ARVCF: variants seen among roughly 807,000 people sequenced by gnomAD.
ARVCF encodes ARVCF delta catenin family member.
Under a neutral mutation model 90.9 loss-of-function variants are expected in ARVCF, and 66 were observed. The observed-to-expected ratio is 0.73, with a 90% confidence interval of 0.60 to 0.89. The LOEUF is 0.89. Among genes scored for constraint, ARVCF ranks in the 40% least tolerant of loss-of-function variants. The pLI is 0.00. For missense variants in ARVCF, 1,469 were observed against 1,382.3 expected (o/e 1.06, Z -1.00); for synonymous variants, 653 against 603.4 (o/e 1.08, Z -1.21).
chr22:20,013,725 C>T (rs1346288172), intron 1 of ARVCF, among the ~76,000 whole-genome samples: 1 of 152,216 alleles, frequency 6.6e-6, no homozygotes, highest in Non-Finnish European at 1.5e-5. Context: ...CAGGCACCCA[C>T]CAGCTCTGGG....
chr22:19,976,744 G>C (rs929188235), intron 9 of ARVCF, 21 bp from the exon 10 acceptor site: 5 of 1,557,994 alleles, frequency 3.2e-6, no homozygotes, highest in Admixed American at 3.9e-5. Flanking sequence ...GGAGGAAGCA[G>C]AGGAGAGAGG....
chr22:20,011,491 G>A (rs529695426), intron 1 of ARVCF, among the ~76,000 whole-genome samples: 14 of 152,170 alleles, frequency 9.2e-5, no homozygotes, highest in African/African-American at 2.9e-4. Flanking sequence ...GTGTTTCCCC[G>A]TCTCACGACA....
Position 19,982,011 on chromosome 22 carries a change from C to T in ARVCF, c.291G>A (p.Glu97=). 1 of 1,613,150 alleles carries T rather than the reference C, an allele frequency of 6.2e-7. No individual in the cohort carries two copies. Among genetic ancestry groups the T allele is most frequent in the Non-Finnish European group, 8.5e-7 (1 of 1,179,982 alleles). ...GGGAAGTGGGTGTGCCGGGGTCCTC[C>T]TCCACCGTCACGGTCTCCTCCAGCA... ...PDVLEETVTV[E]EDPGTPTSHV... is the part of the protein sequence containing the mutation. Residue 97 remains glutamate, a synonymous_variant, in exon 4 of 20, where the codon GAG becomes GAA. Transcript: ENST00000263207.
intron 12 of ARVCF, 87 bp from the exon 13 acceptor site, chr22:19,973,880 T>C: frequency 6.6e-7 from 1 of 1,524,430 alleles, no homozygotes; most frequent in East Asian, 2.3e-5. Flanking sequence ...CAGCTGGACC[T>C]TCCTGCTCCC....
intron 3 of ARVCF, among the ~76,000 whole-genome samples, chr22:19,986,118 A>G (rs140767856): frequency 1.6e-3 from 243 of 152,296 alleles, no homozygotes; most frequent in Admixed American, 3.5e-3. Context: ...TGGGGGAGCA[A>G]ACTTGGGGTG....
In ARVCF at chr22:19,975,749, C is replaced by A. The variant is rs770483203; in HGVS notation, c.1897G>T (p.Asp633Tyr). 1 of 1,613,586 alleles carries A rather than the reference C, an allele frequency of 6.2e-7. No homozygotes were observed. Among genetic ancestry groups the A allele is most frequent in the Admixed American group, 1.7e-5 (1 of 60,010 alleles). The change falls in exon 11 of 20, where the codon GAT (aspartate) becomes TAT (tyrosine). Residue 633 changes from aspartate (D) to tyrosine (Y), a missense_variant. Coordinates refer to ENST00000263207, the MANE Select transcript of ARVCF (RefSeq NM_001670.3). ...TCAAAGTTCCGGTCCATCTCACCAT[C>A]CTTCTTTCCTGGAAGGGAAAGGTGG... ...KEEWFHQGKK[D>Y]GEMDRNFDTL...
chr22:19,985,282 C>T (rs1429215165), intron 3 of ARVCF, among the ~76,000 whole-genome samples: 2 of 152,232 alleles, frequency 1.3e-5, no homozygotes, highest in East Asian at 3.8e-4. Context: ...ACTCATCCCT[C>T]CCTTGGCTCT....
At chr22:20,007,979 G>A (rs1018281981) in intron 2 of ARVCF, among the ~76,000 whole-genome samples, 14 of 148,036 alleles carry the variant, frequency 9.5e-5, no homozygotes, top group African/African-American at 3.4e-4. Flanking sequence ...ATGCTAGGGA[G>A]AGTTGACTAC....
intron 3 of ARVCF, among the ~76,000 whole-genome samples, chr22:19,988,604 C>G (rs1943909818): frequency 6.6e-6 from 1 of 152,198 alleles, no homozygotes; most frequent in East Asian, 1.9e-4. Context: ...GCAGCACTCC[C>G]CCTAGCCTGG....
At chr22:20,015,315 G>A (rs932407964) in intron 1 of ARVCF, among the ~76,000 whole-genome samples, 5 of 152,272 alleles carry the variant, frequency 3.3e-5, no homozygotes, top group South Asian at 2.1e-4. Context: ...CAGACATTGC[G>A]GATAGGATGG....
chr22:19,973,128 A>G lies in ARVCF; in HGVS notation c.2429T>C (p.Val810Ala), dbSNP rs904877676. Reference protein sequence around the residue: ...ARGVPALVALVASSQSVREAK... With the variant: ...ARGVPALVALAASSQSVREAK... ...CCCCGCCCCTCCACACCTGGAGGCC[A>G]CGAGAGCCACCAACGCTGGCACCCC... The change falls in exon 14 of 20, where the codon GTG becomes GCG. Residue 810 changes from valine to alanine, a missense_variant. Coordinates refer to ENST00000263207, the MANE Select transcript of ARVCF (RefSeq NM_001670.3). The G allele has an allele frequency of 3.6e-6, 5 of 1,378,092 alleles. No individual in the cohort carries two copies. In the African/African-American group the frequency reaches 8.0e-5, roughly 22 times the overall value. 85.4% of individuals were successfully genotyped at this position (1,378,092 alleles called of 1,614,324 possible). A position where few individuals can be genotyped will look rare whatever the true frequency, so the allele number is the denominator to read the frequency against.
In ARVCF at chr22:19,974,098, A is replaced by C; in HGVS notation, c.2088+14T>G. The C allele has an allele frequency of 6.2e-7, 1 of 1,600,984 alleles. No individual in the cohort carries two copies. Among genetic ancestry groups the C allele is most frequent in the Non-Finnish European group, 8.5e-7 (1 of 1,173,292 alleles). ...TCTCAGGACTTGCCCACCCTGCCCG[A>C]CCTGGTCCCTCACCATCCAGTTGCC... is the stretch of plus-strand genomic sequence containing the variant. On this transcript the variant is annotated intron_variant, in intron 12 of 19. Transcript: ENST00000263207.
At chr22:19,987,135 C>G (rs1055479479) in intron 3 of ARVCF, 1 of 492,756 alleles carries the variant, frequency 2.0e-6, no homozygotes, top group African/African-American at 2.0e-5. Context: ...GCGGGGGAGG[C>G]GGTGGCTGGA....
intron 18 of ARVCF, among the ~76,000 whole-genome samples, chr22:19,971,673 G>A (rs1024075170): frequency 4.6e-5 from 7 of 152,172 alleles, no homozygotes; most frequent in African/African-American, 1.4e-4. Context: ...TGCAGGGTGT[G>A]GCCGGGCAGT....
chr22:19,970,626 G>A lies in ARVCF; in HGVS notation c.*130C>T. 3.1e-6 allele frequency: 4 copies of A among 1,275,388 alleles called. No individual in the cohort carries two copies. Among genetic ancestry groups the A allele is most frequent in the Non-Finnish European group, 4.1e-6 (4 of 982,274 alleles). The allele number at this position is 1,275,388 out of a possible 1,614,324, so 79.0% of individuals were successfully genotyped here. A position where few individuals can be genotyped will look rare whatever the true frequency, so the allele number is the denominator to read the frequency against. On this transcript the variant is annotated 3_prime_UTR_variant, in exon 20 of 20. Transcript: ENST00000263207. ...GGTGTCCCCAAAGTCAGGCTTGGCT[G>A]GGGCGAGGCGCTGCCAACCCCTGCC...
rs2146317154 is a variant in ARVCF at position 19,981,621 on chromosome 22, G to A, written c.486C>T (p.Ala162=). Reference sequence around the variant, plus strand: ...CACGCAGCAGGAAATGCCGGTCCAGGGCACCATCTGCAAAAGGGCCTAGTG... The same window carrying A: ...CACGCAGCAGGAAATGCCGGTCCAGAGCACCATCTGCAAAAGGGCCTAGTG... ...GPPLGPFADG[A]LDRHFLLRGG... The change falls in exon 5 of 20, where the codon GCC becomes GCT. Residue 162 remains alanine, a synonymous_variant. Transcript: ENST00000263207. 1 of 1,608,580 alleles carries A rather than the reference G, an allele frequency of 6.2e-7. No homozygotes were observed. The highest frequency in any genetic ancestry group is 8.5e-7 in the Non-Finnish European group (1 of 1,179,824).
chr22:20,004,986 A>G (rs944775955), intron 2 of ARVCF, among the ~76,000 whole-genome samples: 1 of 152,250 alleles, frequency 6.6e-6, no homozygotes, highest in Admixed American at 6.5e-5. Context: ...TTTGGCAATG[A>G]TATCTTAGAT....
Position 19,969,957 on chromosome 22 carries a change from T to C in ARVCF, c.*799A>G. Reference sequence around the variant, plus strand: ...AAATTTAGGTGTTTACCAATAGTCTTATTTTGGCTTATTTTTAATGCTTTT... The same window carrying C: ...AAATTTAGGTGTTTACCAATAGTCTCATTTTGGCTTATTTTTAATGCTTTT... On this transcript the variant is annotated 3_prime_UTR_variant, in exon 20 of 20. Transcript: ENST00000263207. 2 of 985,598 alleles carry C rather than the reference T, an allele frequency of 2.0e-6. No homozygotes were observed. Among genetic ancestry groups the C allele is most frequent in the Non-Finnish European group, 2.4e-6 (2 of 829,926 alleles). 61.1% of individuals were successfully genotyped at this position (985,598 alleles called of 1,614,324 possible).
At chr22:19,995,062 T>C (rs901322646) in intron 2 of ARVCF, among the ~76,000 whole-genome samples, 1 of 151,244 alleles carries the variant, frequency 6.6e-6, no homozygotes, top group East Asian at 2.0e-4. Context: ...TACAGATGAA[T>C]GGATGGATGA....
Sources: gnomAD v4.1 joint callset for allele counts (sites outside exome capture counted in the v4.1 genomes callset) on GRCh38, gnomAD v4.1.1 for gene constraint, MANE v1.5 for transcripts, NCBI Gene and HGNC (gene_info 2026-07-23, HGNC 2026-07-21) for gene names.